The following CAPZA2 variants were observed in gnomAD, a reference collection of about 807,000 sequenced individuals.
The protein encoded by CAPZA2 is capping actin protein of muscle Z-line subunit alpha 2.
A neutral mutation model predicts 44.0 loss-of-function variants in CAPZA2; 13 were observed. The observed-to-expected ratio is 0.30, with a 90% CI of 0.19 to 0.47. CAPZA2 has a LOEUF of 0.47. CAPZA2 is among the 20% of genes least tolerant of loss of function. The probability of loss-of-function intolerance (pLI) is 1.00; values close to 1 mark genes in which losing one functional copy is unlikely to be tolerated. For synonymous variants in CAPZA2, 94 were observed against 108.2 expected (o/e 0.87, Z 0.81); for missense variants, 244 against 338.6 (o/e 0.72, Z 2.19).
intron 8 of CAPZA2, among the ~76,000 whole-genome samples, chr7:116,914,021 GA>G (rs1285874922): frequency 3.9e-4 from 58 of 147,378 alleles, no homozygotes; most frequent in Middle Eastern, 3.6e-3. Flanking sequence ...AGATATTAAA[GA>G]AAATTTTTTT....
chr7:116,903,465 G>A (rs1797022353), intron 4 of CAPZA2, among the ~76,000 whole-genome samples: 1 of 152,060 alleles, frequency 6.6e-6, no homozygotes, highest in Non-Finnish European at 1.5e-5. Flanking sequence ...ATCCTGTGTT[G>A]TTAGCATGAT....
intron 1 of CAPZA2, among the ~76,000 whole-genome samples, chr7:116,862,876 G>A (rs890780009): frequency 2.0e-5 from 3 of 151,966 alleles, no homozygotes. Context: ...GCTCCTTGTA[G>A]GGTGTGTACT....
At chr7:116,871,948 T>C (rs1688785594) in intron 1 of CAPZA2, among the ~76,000 whole-genome samples, 1 of 152,178 alleles carries the variant, frequency 6.6e-6, no homozygotes, top group African/African-American at 2.4e-5. Context: ...ACGCACAGGC[T>C]CCTCTTGTGG....
At chr7:116,900,361 A>G (rs547264761) in intron 4 of CAPZA2, among the ~76,000 whole-genome samples, 8 of 151,784 alleles carry the variant, frequency 5.3e-5, no homozygotes, top group Admixed American at 3.3e-4. Context: ...CATGATTTAT[A>G]TATTTAGGAA....
At chr7:116,906,377 C>T (rs1460665545) in intron 6 of CAPZA2, 35 bp downstream of exon 6, 1 of 1,606,518 alleles carries the variant, frequency 6.2e-7, no homozygotes, top group South Asian at 1.1e-5. Context: ...GGAGTTTTGG[C>T]ATTGTTTTAA....
chr7:116,900,186 A>G (rs892407773), intron 4 of CAPZA2, among the ~76,000 whole-genome samples: 1 of 151,972 alleles, frequency 6.6e-6, no homozygotes, highest in African/African-American at 2.4e-5. Context: ...ACAAAAATTA[A>G]TAGTAAATGT....
intron 8 of CAPZA2, among the ~76,000 whole-genome samples, chr7:116,915,302 C>CAA (rs1342258058): frequency 2.3e-5 from 3 of 132,276 alleles, no homozygotes; most frequent in African/African-American, 8.3e-5. Flanking sequence ...GACCCTGTCT[C>CAA]AAAAAAAAAA....
chr7:116,918,088 C>T lies in CAPZA2; in HGVS notation c.*221C>T. On this transcript the variant is annotated 3_prime_UTR_variant, in exon 10 of 10. Coordinates refer to ENST00000361183, the MANE Select transcript of CAPZA2 (RefSeq NM_006136.3). ...AAATCAGTTTAGTTTAAATGTCTTT[C>T]TGTTAGGCCTTTCTTTCTTACAATG... is the stretch of plus-strand genomic sequence containing the variant. 3 of 402,986 alleles carry T rather than the reference C, an allele frequency of 7.4e-6. No individual in the cohort carries two copies. Among genetic ancestry groups the T allele is most frequent in the Non-Finnish European group, 1.4e-5 (3 of 221,836 alleles). The allele number at this position is 402,986 out of a possible 1,614,324, so 25.0% of individuals were successfully genotyped here.
At chr7:116,904,548 A>G (rs182799129) in intron 5 of CAPZA2, 165 bp downstream of exon 5, 36 of 584,610 alleles carry the variant, frequency 6.2e-5, no homozygotes, top group African/African-American at 6.0e-4. Context: ...ATTCTGGATA[A>G]TAAATAGATA....
intron 3 of CAPZA2, among the ~76,000 whole-genome samples, chr7:116,893,928 A>C (rs1372407639): frequency 6.6e-6 from 1 of 152,212 alleles, no homozygotes; most frequent in African/African-American, 2.4e-5. Context: ...TCCCAAAATA[A>C]GGTCTAGAGA....
intron 3 of CAPZA2, 148 bp downstream of exon 3, chr7:116,893,193 C>CCGA: frequency 2.1e-6 from 1 of 466,104 alleles, no homozygotes; most frequent in Non-Finnish European, 3.8e-6. Flanking sequence ...TTCAGTGGTG[C>CCGA]GATCTCGGCT....
At chr7:116,889,581 A>G (rs1339223574) in intron 2 of CAPZA2, among the ~76,000 whole-genome samples, 1 of 151,680 alleles carries the variant, frequency 6.6e-6, no homozygotes, top group African/African-American at 2.4e-5. Context: ...AAAAAAAAAA[A>G]GATATAATGG....
At chr7:116,896,728 G>C (rs534815322) in intron 3 of CAPZA2, among the ~76,000 whole-genome samples, 1 of 152,232 alleles carries the variant, frequency 6.6e-6, no homozygotes, top group East Asian at 1.9e-4. Context: ...TGTTTTTACC[G>C]TGTCTAGTAG....
intron 7 of CAPZA2, among the ~76,000 whole-genome samples, chr7:116,911,579 A>G (rs1486805787): frequency 6.6e-6 from 1 of 152,150 alleles, no homozygotes. Flanking sequence ...TACCTTTACC[A>G]TGTTGTGCTG....
At chr7:116,915,855 G>A (rs913342901) in intron 8 of CAPZA2, 6 of 326,278 alleles carry the variant, frequency 1.8e-5, no homozygotes, top group African/African-American at 1.3e-4. Flanking sequence ...GCTGAACATT[G>A]AGACCAGCTT....
chr7:116,903,046 C>G (rs1299009000), intron 4 of CAPZA2, among the ~76,000 whole-genome samples: 3 of 152,036 alleles, frequency 2.0e-5, no homozygotes, highest in Non-Finnish European at 2.9e-5. Flanking sequence ...TCCTCCTTTC[C>G]CCGAAAAAGG....
At chr7:116,904,145 ATT>A in intron 4 of CAPZA2, 30 bp from the exon 5 acceptor site, 1 of 1,381,698 alleles carries the variant, frequency 7.2e-7, no homozygotes, top group Non-Finnish European at 1.0e-6. Flanking sequence ...CTGTTTTTTT[ATT>A]TTTTTTCTAA....
chr7:116,893,945 T>C (rs1019101611), intron 3 of CAPZA2, among the ~76,000 whole-genome samples: 1 of 152,238 alleles, frequency 6.6e-6, no homozygotes, highest in Non-Finnish European at 1.5e-5. Context: ...GAGACTGTTA[T>C]TTTAGGCTTA....
chr7:116,897,910 A>G (rs575571521), intron 3 of CAPZA2, among the ~76,000 whole-genome samples: 89 of 152,140 alleles, frequency 5.8e-4, no homozygotes, highest in Middle Eastern at 3.4e-3. Context: ...CTGCTGCCAA[A>G]TTAATCTTCT....
Sources: gnomAD v4.1 joint callset for allele counts (sites outside exome capture counted in the v4.1 genomes callset) on GRCh38, gnomAD v4.1.1 for gene constraint, MANE v1.5 for transcripts, NCBI Gene and HGNC (gene_info 2026-07-23, HGNC 2026-07-21) for gene names.